Variants in UTP20 observed in about 807,000 individuals in gnomAD.
UTP20 encodes the protein UTP20 small subunit processome component, also known as small subunit processome component 20 homolog.
Under a neutral mutation model 329.5 loss-of-function variants are expected in UTP20, and 164 were observed. The ratio of observed to expected loss-of-function variants is 0.50; its 90% confidence interval spans 0.44 to 0.57. UTP20 has a LOEUF of 0.57. UTP20 is among the 20% of genes least tolerant of loss of function. The pLI is 0.00. For missense variants in UTP20, 3,055 were observed against 3,284.2 expected (o/e 0.93, Z 1.71); for synonymous variants, 1,151 against 1,159.3 (o/e 0.99, Z 0.14).
intron 38 of UTP20, among the ~76,000 whole-genome samples, chr12:101,347,730 A>T (rs1442144509): frequency 6.6e-6 from 1 of 152,240 alleles, no homozygotes; most frequent in African/African-American, 2.4e-5. Flanking sequence ...TCTAGTTTAA[A>T]AGCTAGTAAG....
intron 43 of UTP20, among the ~76,000 whole-genome samples, chr12:101,358,015 G>T (rs1402603273): frequency 6.6e-6 from 1 of 152,158 alleles, no homozygotes; most frequent in African/African-American, 2.4e-5. Context: ...TGGGGTGGGG[G>T]TGAAGAATGA....
intron 51 of UTP20, among the ~76,000 whole-genome samples, chr12:101,371,720 G>A (rs4764793): frequency 0.12 from 18,642 of 151,802 alleles, 1,405 homozygotes; most frequent in Middle Eastern, 0.23. Context: ...TTTTAGTAGA[G>A]ATGAGGTTTC....
At chr12:101,333,575 G>A (rs1487530048) in intron 28 of UTP20, 131 bp downstream of exon 28, 2 of 1,218,998 alleles carry the variant, frequency 1.6e-6, no homozygotes, top group Non-Finnish European at 2.3e-6. Context: ...CCTTCTTTCT[G>A]GAAGTTTTTA....
At position 101,302,466 on chromosome 12, in the gene UTP20, G is replaced by T; in HGVS notation, c.1694G>T (p.Cys565Phe). Residue 565 changes from cysteine (C) to phenylalanine (F), a missense_variant, in exon 15 of 62, where the codon TGT (cysteine) becomes TTT (phenylalanine). Coordinates refer to ENST00000261637, the MANE Select transcript of UTP20 (RefSeq NM_014503.3). ...CCCTTAGGAAACTTATTTGTTCTTT[G>T]TCAAGCTGTAAATACTCTACTAAGT... Reference protein sequence around the residue: ...SFGKGNLFVLCQAVNTLLSLE... With the variant: ...SFGKGNLFVLFQAVNTLLSLE... The T allele has an allele frequency of 6.2e-7, 1 of 1,606,284 alleles. No homozygotes were observed. Among genetic ancestry groups the T allele is most frequent in the Non-Finnish European group, 8.5e-7 (1 of 1,177,644 alleles).
Position 101,308,298 on chromosome 12 carries a change from A to G in UTP20, c.2109A>G (p.Arg703=). The change falls in exon 18 of 62, where the codon AGA becomes AGG. Residue 703 remains arginine, a synonymous_variant. Transcript: ENST00000261637. ...AGCTTCTTCATTTGAGAAAACTAAG[A>G]CATGATGTGGTACAGACTGCTGTCC... is the stretch of plus-strand genomic sequence containing the variant. ...REKLLHLRKL[R]HDVVQTAVPD... 6.2e-7 allele frequency: 1 copy of G among 1,612,902 alleles called. No homozygotes were observed. The highest frequency in any genetic ancestry group is 1.1e-5 in the South Asian group (1 of 90,936).
Position 101,383,307 on chromosome 12 carries a change from C to T in UTP20, c.7923C>T (p.Pro2641=). The change falls in exon 59 of 62, where the codon CCC becomes CCT. Residue 2641 remains proline, a synonymous_variant. Transcript: ENST00000261637. ...KLEAAYSPRN[P]LKRTCIFKFL... ...AAGCTGCTTATTCGCCGAGAAACCC[C>T]TTAAAGGTGCGATGAATGCACAGAA... 1 of 1,612,992 alleles carries T rather than the reference C, an allele frequency of 6.2e-7. No homozygotes were observed.
chr12:101,286,572 A>C, intron 5 of UTP20, 63 bp downstream of exon 5: 1 of 1,379,210 alleles, frequency 7.3e-7, no homozygotes. Context: ...TGGCTTCTTT[A>C]TGACTCCAAA....
chr12:101,337,610 G>A (rs1868975310), intron 29 of UTP20, among the ~76,000 whole-genome samples: 2 of 152,150 alleles, frequency 1.3e-5, no homozygotes, highest in African/African-American at 4.8e-5. Context: ...CTATGTTCTA[G>A]TACATAGGGT....
chr12:101,363,152 T>C (rs1399692822), intron 44 of UTP20, among the ~76,000 whole-genome samples: 1 of 102,100 alleles, frequency 9.8e-6, no homozygotes, highest in Non-Finnish European at 1.5e-5. Flanking sequence ...GGTAATTAAT[T>C]AGACTAATAA....
chr12:101,344,516 G>A, intron 35 of UTP20, 79 bp from the exon 36 acceptor site: 2 of 747,694 alleles, frequency 2.7e-6, no homozygotes, highest in East Asian at 4.9e-5. Context: ...GAATTTTGTA[G>A]ATGCTTGCAC....
intron 11 of UTP20, among the ~76,000 whole-genome samples, chr12:101,294,985 C>A (rs1379442398): frequency 4.6e-5 from 7 of 152,148 alleles, no homozygotes. Context: ...TTTAGCAGCT[C>A]AATTTTTCTT....
chr12:101,349,075 C>T (rs1302656525), intron 38 of UTP20, among the ~76,000 whole-genome samples: 2 of 151,896 alleles, frequency 1.3e-5, no homozygotes, highest in African/African-American at 2.4e-5. Flanking sequence ...AGATGGTGCT[C>T]AACTGTATTC....
At chr12:101,344,040 CTT>C (rs1352393766) in intron 35 of UTP20, among the ~76,000 whole-genome samples, 1 of 152,130 alleles carries the variant, frequency 6.6e-6, no homozygotes, top group African/African-American at 2.4e-5. Flanking sequence ...TCAGTGATCT[CTT>C]TGTGGCATTT....
At chr12:101,336,042 T>C (rs1390067889) in intron 29 of UTP20, among the ~76,000 whole-genome samples, 1 of 152,230 alleles carries the variant, frequency 6.6e-6, no homozygotes, top group Non-Finnish European at 1.5e-5. Flanking sequence ...TTGAGCCACA[T>C]TGTTGGATGC....
chr12:101,344,747 A>G lies in UTP20; in HGVS notation c.4602A>G (p.Thr1534=). ...EKLRKGLKSQ[T]ESIQQDYTTI... ...TGAGAAAAGGTCTGAAGAGCCAGAC[A>G]GAGGTATATAACTTTGTGTTTTAGG... Residue 1534 remains threonine (T), a synonymous_variant, in exon 36 of 62, where the codon ACA becomes ACG. Transcript: ENST00000261637. 3 of 1,613,560 alleles carry G rather than the reference A, an allele frequency of 1.9e-6. No individual in the cohort carries two copies. The highest frequency in any genetic ancestry group is 1.1e-5 in the South Asian group (1 of 91,054).
At chr12:101,360,210 C>T (rs776470225) in intron 43 of UTP20, among the ~76,000 whole-genome samples, 9 of 152,176 alleles carry the variant, frequency 5.9e-5, no homozygotes, top group Non-Finnish European at 1.3e-4. Context: ...GAGCATCACT[C>T]GTCATCCTCA....
In UTP20 at chr12:101,280,577, A is replaced by G. The variant is rs572579511; in HGVS notation, c.45+250A>G. 9.5e-4 allele frequency among the ~76,000 whole-genome samples: 145 copies of G among 152,332 alleles called. 1 individual carries two copies. The highest frequency in any genetic ancestry group is 3.4e-3 in the African/African-American group (140 of 41,578). ...TGGGAATTTCCTGTAGTCCAGAATTAAATTCACTATTCCAGGAGATTGCTT... is the reference window on the plus strand; with the variant it reads ...TGGGAATTTCCTGTAGTCCAGAATTGAATTCACTATTCCAGGAGATTGCTT... On this transcript the variant is annotated intron_variant, in intron 1 of 61. Transcript: ENST00000261637.
chr12:101,359,254 T>C (rs1869830154), intron 43 of UTP20, among the ~76,000 whole-genome samples: 1 of 152,078 alleles, frequency 6.6e-6, no homozygotes, highest in Non-Finnish European at 1.5e-5. Context: ...TTAGTAGAGA[T>C]GGAGTTTCAC....
chr12:101,332,077 C>G (rs747025665), intron 27 of UTP20, among the ~76,000 whole-genome samples: 15 of 152,088 alleles, frequency 9.9e-5, no homozygotes, highest in Admixed American at 5.9e-4. Flanking sequence ...GTGGCTCACA[C>G]CTGCAATCCC....
Sources: allele counts gnomAD v4.1 joint callset (sites outside exome capture counted in the v4.1 genomes callset), GRCh38; gene constraint gnomAD v4.1.1; transcripts MANE v1.5; gene names NCBI Gene and HGNC (gene_info 2026-07-23, HGNC 2026-07-21).